The following STK3 variants were observed in gnomAD, a reference collection of about 807,000 sequenced individuals.
The protein encoded by STK3 is serine/threonine-protein kinase 3.
A neutral mutation model predicts 58.0 loss-of-function variants in STK3; 41 were observed. The observed-to-expected ratio is 0.71, with a 90% CI of 0.55 to 0.92. The LOEUF (loss-of-function observed/expected upper bound fraction) is 0.92. STK3 is among the 40% of genes least tolerant of loss of function. The pLI is 0.00. For synonymous variants in STK3, 170 were observed against 191.0 expected, an observed-to-expected ratio of 0.89 and a Z score of 0.91; for missense variants, 479 against 602.7, an observed-to-expected ratio of 0.79 and a Z score of 2.15.
At chr8:98,787,565 T>C (rs926801844) in intron 1 of STK3, among the ~76,000 whole-genome samples, 1 of 151,990 alleles carries the variant, frequency 6.6e-6, no homozygotes, top group African/African-American at 2.4e-5. Flanking sequence ...GACATCCAAA[T>C]ACAAGAAGCT....
chr8:98,897,013 AAGAAAG>A (rs71273147), intron 1 of STK3, among the ~76,000 whole-genome samples: 37,768 of 151,652 alleles, frequency 0.25, 5,730 homozygotes, highest in East Asian at 0.43. Context: ...AATAAAAGAA[AAGAAAG>A]AGAAAGAGAA....
At chr8:98,803,615 A>G (rs1446285634) in intron 1 of STK3, among the ~76,000 whole-genome samples, 3 of 151,166 alleles carry the variant, frequency 2.0e-5, no homozygotes, top group Admixed American at 6.6e-5. Flanking sequence ...AAAAGAAAAA[A>G]AAAGAAAAGA....
chr8:98,684,030 AGATGTGCT>A lies in STK3; in HGVS notation c.684+22429_684+22436del, dbSNP rs1190026016. Among the ~76,000 whole-genome samples the A allele has an allele frequency of 2.6e-5, 4 of 152,304 alleles. No individual in the cohort carries two copies. In the East Asian group the frequency reaches 7.7e-4, roughly 29 times the overall value. On this transcript the variant is annotated intron_variant, in intron 6 of 10. Transcript: ENST00000419617. ...ATCAATATTTAAGTGCAATTTCATA[AGATGTGCT>A]GACTGAATTCTCTGCCCCAGAAACA...
At chr8:98,787,715 T>C (rs1286157450) in intron 1 of STK3, among the ~76,000 whole-genome samples, 1 of 152,156 alleles carries the variant, frequency 6.6e-6, no homozygotes, top group Non-Finnish European at 1.5e-5. Flanking sequence ...GGAAAACCTA[T>C]CAGATTAGCA....
intron 1 of STK3, among the ~76,000 whole-genome samples, chr8:98,941,475 G>T (rs1449533012): frequency 6.6e-6 from 1 of 152,250 alleles, no homozygotes; most frequent in Non-Finnish European, 1.5e-5. Context: ...GCGAGTCCCC[G>T]GAGGTAGTGG....
chr8:98,472,621 A>G (rs1325144060), intron 10 of STK3, among the ~76,000 whole-genome samples: 3 of 152,304 alleles, frequency 2.0e-5, no homozygotes, highest in East Asian at 3.9e-4. Flanking sequence ...GCTTACAATG[A>G]TAAGTCATTT....
At chr8:98,481,721 G>GAA (rs35610665) in intron 10 of STK3, among the ~76,000 whole-genome samples, 34 of 83,012 alleles carry the variant, frequency 4.1e-4, no homozygotes, top group Admixed American at 7.5e-4. Flanking sequence ...TAAAGCTATT[G>GAA]AAAAAAAAAA....
downstream of STK3, chr8:98,882,132 T>C (rs930939829): frequency 3.9e-5 from 6 of 152,150 alleles, no homozygotes; most frequent in Non-Finnish European, 8.8e-5. Flanking sequence ...AAATAAAAAA[T>C]TTATCCATGA....
intron 4 of STK3, among the ~76,000 whole-genome samples, chr8:98,724,623 G>A (rs1827671699): frequency 6.6e-6 from 1 of 152,126 alleles, no homozygotes; most frequent in African/African-American, 2.4e-5. Context: ...AGACTAAAAG[G>A]AGGAAAACAG....
intron 6 of STK3, among the ~76,000 whole-genome samples, chr8:98,677,076 G>A (rs886540385): frequency 6.6e-6 from 1 of 152,146 alleles, no homozygotes. Context: ...AACACTTGAT[G>A]TCCAGGGCAG....
At chr8:98,740,932 AG>A (rs1026906698) in intron 4 of STK3, among the ~76,000 whole-genome samples, 35 of 152,282 alleles carry the variant, frequency 2.3e-4, no homozygotes, top group African/African-American at 8.4e-4. Flanking sequence ...AAAAAAAGGC[AG>A]GGGTTGCAAT....
Position 98,800,280 on chromosome 8 carries a change from G to A in STK3, c.26+25235C>T, listed in dbSNP as rs1344020988. Among the ~76,000 whole-genome samples the A allele has an allele frequency of 2.0e-5, 3 of 152,192 alleles. No homozygotes were observed. Among genetic ancestry groups the A allele is most frequent in the African/African-American group, 7.2e-5 (3 of 41,440 alleles). On this transcript the variant is annotated intron_variant, in intron 1 of 10. Coordinates refer to ENST00000419617, the MANE Select transcript of STK3 (RefSeq NM_006281.4). This position sits in a 1 kb window ranked among gnomAD's most constrained non-coding sequence, Gnocchi z 4.8. Reference sequence around the variant, plus strand: ...GGACCGACCTGCTGGCACTTTCAATGGCCTAGAGAGCTCCCCTCTGGAGGA... The same window carrying A: ...GGACCGACCTGCTGGCACTTTCAATAGCCTAGAGAGCTCCCCTCTGGAGGA...
intron 1 of STK3, among the ~76,000 whole-genome samples, chr8:98,787,404 A>G (rs1478645969): frequency 6.6e-6 from 1 of 151,916 alleles, no homozygotes; most frequent in East Asian, 1.9e-4. Flanking sequence ...ATAAGAAAAT[A>G]TGGACAAAGC....
At position 98,914,492 on chromosome 8, in the gene STK3, ACT is replaced by A. The variant is rs201799011; in HGVS notation, c.-79+27884_-79+27885del. ...CACACACACACACACACACACACAC[ACT>A]CTCTCTCTCTCTCTCTTCACTCTTA... On this transcript the variant is annotated intron_variant, in intron 1 of 1. Transcript: ENST00000519420. Among the ~76,000 whole-genome samples the A allele has an allele frequency of 6.5e-3, 892 of 136,208 alleles. 8 individuals are homozygous for A. The highest frequency in any genetic ancestry group is 0.016 in the African/African-American group (592 of 37,318). The allele number at this position is 136,208 out of a possible 152,430, so 89.4% of individuals were successfully genotyped here.
chr8:98,473,177 C>T (rs1487146821), intron 10 of STK3, among the ~76,000 whole-genome samples: 1 of 152,030 alleles, frequency 6.6e-6, no homozygotes, highest in Non-Finnish European at 1.5e-5. Context: ...TCACAAGAGC[C>T]CGAAATTCTT....
chr8:98,791,837 T>A (rs1171230131), intron 1 of STK3, among the ~76,000 whole-genome samples: 1 of 152,168 alleles, frequency 6.6e-6, no homozygotes, highest in Non-Finnish European at 1.5e-5. Context: ...GGGACTTAAA[T>A]CTAAGACCTG....
intron 3 of STK3, among the ~76,000 whole-genome samples, chr8:98,403,083 G>A (rs1817960008): frequency 6.6e-6 from 1 of 152,206 alleles, no homozygotes; most frequent in Non-Finnish European, 1.5e-5. Flanking sequence ...TTTGAGGGAG[G>A]CCAAGGGCAG....
At chr8:98,540,768 G>GT (rs1195694320) in intron 9 of STK3, among the ~76,000 whole-genome samples, 3 of 150,298 alleles carry the variant, frequency 2.0e-5, no homozygotes, top group Non-Finnish European at 3.0e-5. Flanking sequence ...AGAGTTCTGG[G>GT]TAAGTGCACT....
the STK3 span, among the ~76,000 whole-genome samples, chr8:98,347,771 A>C: frequency 7.9e-5 from 12 of 152,344 alleles, no homozygotes; most frequent in African/African-American, 2.6e-4. Context: ...AAATGTTAAG[A>C]TACAAATAGA....
Sources: allele counts gnomAD v4.1 joint callset (sites outside exome capture counted in the v4.1 genomes callset), GRCh38; gene constraint gnomAD v4.1.1; non-coding constraint Gnocchi (gnomAD v3.1); transcripts MANE v1.5; gene names NCBI Gene and HGNC (gene_info 2026-07-23, HGNC 2026-07-21).